Variants in PBRM1 observed in about 807,000 individuals in gnomAD.
PBRM1 encodes polybromo 1, also known as protein polybromo-1.
PBRM1 carries 27 observed loss-of-function variants against 194.5 expected under a neutral mutation model. The ratio of observed to expected loss-of-function variants is 0.14; its 90% CI spans 0.10 to 0.19. The LOEUF (loss-of-function observed/expected upper bound fraction) is 0.19. Among genes scored for constraint, PBRM1 ranks in the 10% least tolerant of loss-of-function variants. PBRM1 has a pLI of 1.00. For missense variants in PBRM1, 1,466 were observed against 2,077.2 expected, an observed-to-expected ratio of 0.71 and a Z score of 5.72; for synonymous variants, 655 against 693.2, an observed-to-expected ratio of 0.94 and a Z score of 0.87.
intron 4 of PBRM1, among the ~76,000 whole-genome samples, chr3:52,660,604 C>G (rs1349845468): frequency 6.6e-6 from 1 of 151,954 alleles, no homozygotes; most frequent in African/African-American, 2.4e-5. Flanking sequence ...CCTCTGCCTC[C>G]CGGGTTCAAG....
chr3:52,622,882 C>T (rs2095328329), intron 13 of PBRM1, among the ~76,000 whole-genome samples: 1 of 152,186 alleles, frequency 6.6e-6, no homozygotes, highest in Non-Finnish European at 1.5e-5. Flanking sequence ...CAAATACACA[C>T]ACACACAATT....
At chr3:52,572,599 C>T (rs1215225584) in intron 22 of PBRM1, among the ~76,000 whole-genome samples, 2 of 152,168 alleles carry the variant, frequency 1.3e-5, no homozygotes, top group Non-Finnish European at 1.5e-5. Context: ...TGGTCTTGAA[C>T]TCCTGATCTC....
chr3:52,565,784 C>T (rs1457579667), intron 22 of PBRM1, among the ~76,000 whole-genome samples: 1 of 152,122 alleles, frequency 6.6e-6, no homozygotes. Context: ...GGCGCAGTGG[C>T]TCATGTCTGT....
chr3:52,560,332 C>T (rs2083214720), intron 25 of PBRM1, among the ~76,000 whole-genome samples: 1 of 152,190 alleles, frequency 6.6e-6, no homozygotes, highest in Non-Finnish European at 1.5e-5. Context: ...CAACACTCCT[C>T]CAGCTCAGTG....
chr3:52,642,713 T>G (rs1018649161), intron 9 of PBRM1, among the ~76,000 whole-genome samples: 2 of 151,922 alleles, frequency 1.3e-5, no homozygotes, highest in African/African-American at 4.8e-5. Flanking sequence ...GTAGCTAATA[T>G]TAAACACTGC....
intron 1 of PBRM1, 21 bp from the exon 3 acceptor site, chr3:52,678,618 A>C (rs1292742969): frequency 6.8e-7 from 1 of 1,478,600 alleles, no homozygotes; most frequent in Admixed American, 1.7e-5. Context: ...GCAAAGGAGA[A>C]AAAAATCACT....
At chr3:52,668,877 A>G (rs1460219511) in intron 2 of PBRM1, among the ~76,000 whole-genome samples, 2 of 152,124 alleles carry the variant, frequency 1.3e-5, no homozygotes, top group Non-Finnish European at 1.5e-5. Flanking sequence ...TTAATGATAT[A>G]AAAACCTAAA....
At chr3:52,676,606 G>A (rs1235080328) in intron 2 of PBRM1, among the ~76,000 whole-genome samples, 3 of 152,106 alleles carry the variant, frequency 2.0e-5, no homozygotes, top group Non-Finnish European at 4.4e-5. Context: ...AAAACCAACT[G>A]ATACAGTAAA....
chr3:52,679,162 A>C (rs1291812802), intron 1 of PBRM1, among the ~76,000 whole-genome samples: 1 of 152,196 alleles, frequency 6.6e-6, no homozygotes, highest in African/African-American at 2.4e-5. Context: ...AAAACAGCCC[A>C]AATCACCCAA....
At chr3:52,663,147 A>G (rs11130315) in intron 3 of PBRM1, among the ~76,000 whole-genome samples, 52,030 of 152,088 alleles carry the variant, frequency 0.34, 9,916 homozygotes, top group Admixed American at 0.46. Flanking sequence ...AATTAAAGGA[A>G]TAAAAGTAGG....
chr3:52,622,417 C>T (rs543373742), intron 13 of PBRM1, among the ~76,000 whole-genome samples: 24 of 152,260 alleles, frequency 1.6e-4, no homozygotes, highest in East Asian at 9.6e-4. Context: ...GTAGTAAGTA[C>T]GCTACAATTT....
At chr3:52,554,584 G>A (rs1684276262) in intron 27 of PBRM1, 140 bp downstream of exon 29, 1 of 673,352 alleles carries the variant, frequency 1.5e-6, no homozygotes, top group African/African-American at 1.9e-5. Context: ...GACATGCCCT[G>A]CTGCTGACAA....
At chr3:52,549,724 G>T (rs2080404946) in intron 29 of PBRM1, among the ~76,000 whole-genome samples, 1 of 151,940 alleles carries the variant, frequency 6.6e-6, no homozygotes, top group Admixed American at 6.6e-5. Context: ...GGCCAAAACG[G>T]CGAAACCCCA....
chr3:52,566,104 A>G (rs548001821), intron 22 of PBRM1, among the ~76,000 whole-genome samples: 4 of 152,282 alleles, frequency 2.6e-5, no homozygotes, highest in Admixed American at 6.5e-5. Flanking sequence ...ATTCATCATC[A>G]GGAAAATCAA....
chr3:52,586,404 G>A (rs1426091366), intron 20 of PBRM1, 21 bp downstream of exon 22: 2 of 1,579,050 alleles, frequency 1.3e-6, no homozygotes, highest in Admixed American at 1.8e-5. Flanking sequence ...AATTTTTTCT[G>A]TGTGGCTATT....
intron 5 of PBRM1, among the ~76,000 whole-genome samples, chr3:52,652,860 T>C (rs1226797955): frequency 6.6e-6 from 1 of 151,858 alleles, no homozygotes; most frequent in Non-Finnish European, 1.5e-5. Context: ...TAGCCAGGCA[T>C]GGTGGTGTGC....
intron 21 of PBRM1, among the ~76,000 whole-genome samples, chr3:52,577,777 A>C (rs184184764): frequency 4.1e-4 from 63 of 152,268 alleles, no homozygotes; most frequent in Non-Finnish European, 7.4e-4. Context: ...ACAGCATCCT[A>C]GGCGGTGGAT....
intron 22 of PBRM1, among the ~76,000 whole-genome samples, chr3:52,567,403 T>G (rs150857774): frequency 1.6e-4 from 25 of 152,066 alleles, no homozygotes; most frequent in Non-Finnish European, 3.1e-4. Context: ...TTAAAGGGTA[T>G]GTATACACTT....
At chr3:52,684,274 A>C (rs2097270727), upstream of PBRM1, among the ~76,000 whole-genome samples, 1 of 151,764 alleles carries the variant, frequency 6.6e-6, no homozygotes, top group Non-Finnish European at 1.5e-5. Flanking sequence ...GCCAAGTTTT[A>C]AAATGGCCTT....
Sources: allele counts gnomAD v4.1 joint callset (sites outside exome capture counted in the v4.1 genomes callset), GRCh38; gene constraint gnomAD v4.1.1; transcripts MANE v1.5; gene names NCBI Gene and HGNC (gene_info 2026-07-23, HGNC 2026-07-21).